Variants in SPATA16 observed in about 807,000 individuals in gnomAD.
SPATA16 encodes spermatogenesis associated 16.
A neutral mutation model predicts 63.3 loss-of-function variants in SPATA16; 36 were observed. The ratio of observed to expected loss-of-function variants is 0.57; its 90% CI spans 0.44 to 0.75. SPATA16 has a LOEUF of 0.75. Ranked by LOEUF, SPATA16 falls within the 30% of genes least tolerant of loss-of-function variation. The pLI is 0.00. For synonymous variants in SPATA16, 203 were observed against 216.7 expected (o/e 0.94, Z 0.56); for missense variants, 646 against 679.3 (o/e 0.95, Z 0.54).
chr3:172,926,588 C>T (rs1013329042), intron 6 of SPATA16, among the ~76,000 whole-genome samples: 2 of 152,316 alleles, frequency 1.3e-5, no homozygotes, highest in Admixed American at 6.5e-5. Context: ...TGACTCCAGA[C>T]ACCACAGGCA....
chr3:173,088,620 A>G (rs1737146625), intron 2 of SPATA16, among the ~76,000 whole-genome samples: 1 of 152,172 alleles, frequency 6.6e-6, no homozygotes, highest in African/African-American at 2.4e-5. Flanking sequence ...GGATTTAGAC[A>G]TGCTGGAAAA....
chr3:173,107,081 T>C (rs1418127520), intron 2 of SPATA16, among the ~76,000 whole-genome samples: 1 of 152,138 alleles, frequency 6.6e-6, no homozygotes, highest in African/African-American at 2.4e-5. Context: ...ACTTAATAGA[T>C]TTCTAATTGT....
rs191721292 is a variant in SPATA16 at position 172,992,823 on chromosome 3, C to T, written c.849-15771G>A. Among the ~76,000 whole-genome samples, 772 of 152,142 alleles carry T rather than the reference C, an allele frequency of 5.1e-3. 3 individuals are homozygous for T. Among genetic ancestry groups the T allele is most frequent in the Non-Finnish European group, 7.2e-3 (489 of 67,990 alleles). ...CCATCAAAGGGTTGGAGCTTGCACC[C>T]CTGAGAGACAATGCTGTGCTCTGGG... On this transcript the variant is annotated intron_variant, in intron 4 of 10. Transcript: ENST00000351008.
rs543996850 is a variant in SPATA16 at position 173,122,777 on chromosome 3, A to G, written c.-18-5028T>C. On this transcript the variant is annotated intron_variant, in intron 1 of 10. Transcript: ENST00000351008. The stretch of plus-strand genomic sequence containing the variant: ...TAGCTAGGAGTGGAGGTGGAGGATG[A>G]AAAGAGGAGATGTTGTTTTACTAGA... Among the ~76,000 whole-genome samples, 4 of 152,292 alleles carry G rather than the reference A, an allele frequency of 2.6e-5. No homozygotes were observed. The East Asian group carries it at 5.8e-4, about 22-fold the overall frequency.
intron 10 of SPATA16, among the ~76,000 whole-genome samples, chr3:172,904,444 T>G (rs1732192394): frequency 6.6e-6 from 1 of 152,182 alleles, no homozygotes; most frequent in African/African-American, 2.4e-5. Context: ...AGCTCCTGGA[T>G]ACATGCTCCC....
intron 10 of SPATA16, among the ~76,000 whole-genome samples, chr3:172,900,112 T>C (rs951207504): frequency 6.6e-6 from 1 of 152,162 alleles, no homozygotes; most frequent in Non-Finnish European, 1.5e-5. Context: ...TCTTTTTGGG[T>C]AGGTTTTCTG....
At chr3:173,007,429 G>A (rs147263269) in intron 4 of SPATA16, among the ~76,000 whole-genome samples, 1 of 152,042 alleles carries the variant, frequency 6.6e-6, no homozygotes, top group Non-Finnish European at 1.5e-5. Context: ...AGTGAGAGAG[G>A]TGAAGCTGAG....
intron 2 of SPATA16, among the ~76,000 whole-genome samples, chr3:173,111,632 G>C (rs778155083): frequency 6.6e-6 from 1 of 152,174 alleles, no homozygotes; most frequent in Non-Finnish European, 1.5e-5. Context: ...TTGTGCTCTA[G>C]AGAGTTGCTA....
intron 4 of SPATA16, among the ~76,000 whole-genome samples, chr3:173,014,680 A>G (rs143756462): frequency 5.9e-5 from 9 of 152,372 alleles, no homozygotes; most frequent in East Asian, 5.8e-4. Flanking sequence ...AAAATCTGCA[A>G]AGTTGAACCT....
At chr3:172,908,403 A>G (rs1732290332) in intron 10 of SPATA16, among the ~76,000 whole-genome samples, 1 of 152,196 alleles carries the variant, frequency 6.6e-6, no homozygotes, top group Non-Finnish European at 1.5e-5. Context: ...GTTAGGAAAT[A>G]CTCTGCAAAG....
rs73041295 is a variant in SPATA16 at position 172,925,431 on chromosome 3, T to C, written c.1143A>G (p.Gln381=). 1,947 of 1,614,036 alleles carry C rather than the reference T, an allele frequency of 1.2e-3. 22 individuals are homozygous for C. The African/African-American group carries it at 0.024, about 20-fold the overall frequency. ...TVDWSSFPPQ[Q]YLLTLGFKNK... Reference sequence around the variant, plus strand: ...TTTTGAACCCAAGAGTCAAGAGATATTGTTGGGGAGGAAAAGATGACCAGT... The same window carrying C: ...TTTTGAACCCAAGAGTCAAGAGATACTGTTGGGGAGGAAAAGATGACCAGT... The change falls in exon 7 of 11, where the codon CAA becomes CAG. Residue 381 remains glutamine, a synonymous_variant. Transcript: ENST00000351008.
intron 1 of SPATA16, among the ~76,000 whole-genome samples, chr3:173,118,989 A>G (rs777223561): frequency 7.2e-5 from 11 of 152,162 alleles, no homozygotes; most frequent in Non-Finnish European, 1.0e-4. Flanking sequence ...CACTTCTCAA[A>G]ACTTATTAAT....
At chr3:172,910,668 T>G (rs1040978061) in intron 10 of SPATA16, among the ~76,000 whole-genome samples, 5 of 152,160 alleles carry the variant, frequency 3.3e-5, no homozygotes, top group Non-Finnish European at 7.3e-5. Context: ...CACGTTTGGC[T>G]GCTCTATCTC....
At chr3:173,139,667 G>A (rs191825547) in intron 1 of SPATA16, among the ~76,000 whole-genome samples, 6 of 152,300 alleles carry the variant, frequency 3.9e-5, no homozygotes, top group Admixed American at 2.6e-4. Flanking sequence ...GTAGAGGAAT[G>A]TAGCTTCAGT....
intron 2 of SPATA16, among the ~76,000 whole-genome samples, chr3:173,069,036 G>A (rs573649168): frequency 6.6e-6 from 1 of 150,804 alleles, no homozygotes; most frequent in South Asian, 2.1e-4. Context: ...CGTGAACCCG[G>A]GAGGCGGAGC....
At chr3:173,140,987 G>C (rs1259077636) in intron 1 of SPATA16, 116 bp downstream of exon 1, 7 of 152,242 alleles carry the variant, frequency 4.6e-5, no homozygotes, top group African/African-American at 1.7e-4. Flanking sequence ...GAAGAAAGGA[G>C]CTCCTGTTTT....
chr3:172,910,962 A>G (rs1732359709), intron 10 of SPATA16, among the ~76,000 whole-genome samples: 1 of 152,224 alleles, frequency 6.6e-6, no homozygotes, highest in African/African-American at 2.4e-5. Flanking sequence ...TGCAACTCCA[A>G]ATCCGCTCTT....
At chr3:172,984,181 G>A (rs1271429461) in intron 4 of SPATA16, among the ~76,000 whole-genome samples, 1 of 151,994 alleles carries the variant, frequency 6.6e-6, no homozygotes, top group African/African-American at 2.4e-5. Flanking sequence ...TCAGGTGCTC[G>A]GTAGCCCCAT....
chr3:172,938,916 G>A (rs940535830), intron 6 of SPATA16, among the ~76,000 whole-genome samples: 11 of 137,362 alleles, frequency 8.0e-5, no homozygotes, highest in African/African-American at 2.7e-4. Flanking sequence ...ATGATTCTTG[G>A]TTCTAAATGT....
Sources: allele counts gnomAD v4.1 joint callset (sites outside exome capture counted in the v4.1 genomes callset), GRCh38; gene constraint gnomAD v4.1.1; transcripts MANE v1.5; gene names NCBI Gene and HGNC (gene_info 2026-07-23, HGNC 2026-07-21).